The following KCNIP4 variants were observed in gnomAD, a reference collection of about 807,000 sequenced individuals.
KCNIP4 encodes the protein potassium voltage-gated channel interacting protein 4.
In KCNIP4, 12 loss-of-function variants were observed where a neutral mutation model predicts 34.0. That is an observed-to-expected ratio of 0.35 (90% CI 0.23 to 0.57). KCNIP4 has a LOEUF of 0.57. Among genes scored for constraint, KCNIP4 ranks in the 20% least tolerant of loss-of-function variants. The pLI is 0.83. For synonymous variants in KCNIP4, 124 were observed against 102.2 expected, an observed-to-expected ratio of 1.21 and a Z score of -1.29; for missense variants, 238 against 311.7, an observed-to-expected ratio of 0.76 and a Z score of 1.78.
intron 1 of KCNIP4, among the ~76,000 whole-genome samples, chr4:21,346,498 A>G (rs1717436527): frequency 6.6e-6 from 1 of 151,008 alleles, no homozygotes; most frequent in South Asian, 2.1e-4. Context: ...ACACTAACAA[A>G]TAGGATTTGG....
At chr4:20,826,477 C>T (rs577596002) in intron 3 of KCNIP4, among the ~76,000 whole-genome samples, 3 of 151,508 alleles carry the variant, frequency 2.0e-5, no homozygotes, top group South Asian at 2.1e-4. Context: ...CCTAGCTACT[C>T]GGGAGGTTGA....
At chr4:21,814,085 C>T (rs1721823686) in intron 1 of KCNIP4, among the ~76,000 whole-genome samples, 1 of 151,988 alleles carries the variant, frequency 6.6e-6, no homozygotes, top group Non-Finnish European at 1.5e-5. Context: ...GGTGAGGGAA[C>T]CAACGCTCCA....
chr4:21,218,944 A>C (rs1757802652), intron 1 of KCNIP4, among the ~76,000 whole-genome samples: 1 of 152,178 alleles, frequency 6.6e-6, no homozygotes, highest in Non-Finnish European at 1.5e-5. Context: ...AGAGATGGCT[A>C]TTGCAAATCT....
chr4:21,137,648 A>G (rs1751601920), intron 1 of KCNIP4, among the ~76,000 whole-genome samples: 1 of 152,146 alleles, frequency 6.6e-6, no homozygotes, highest in South Asian at 2.1e-4. Flanking sequence ...TCTGCTCAAC[A>G]GGTATAACAA....
chr4:20,984,801 A>C (rs990463278), intron 1 of KCNIP4, among the ~76,000 whole-genome samples: 11 of 152,166 alleles, frequency 7.2e-5, no homozygotes, highest in African/African-American at 2.4e-4. Flanking sequence ...ATCGTCCTTT[A>C]AAGTCTGGCC....
chr4:20,797,800 A>T (rs1385944919), intron 3 of KCNIP4, among the ~76,000 whole-genome samples: 2 of 152,168 alleles, frequency 1.3e-5, no homozygotes, highest in Non-Finnish European at 2.9e-5. Context: ...GCCACAGTCA[A>T]CTGAAATTTG....
At chr4:21,264,321 C>G (rs535712623) in intron 1 of KCNIP4, among the ~76,000 whole-genome samples, 1 of 152,116 alleles carries the variant, frequency 6.6e-6, no homozygotes, top group African/African-American at 2.4e-5. Flanking sequence ...TGATATTTAT[C>G]CAACATCTAG....
chr4:20,971,826 G>A (rs1734979790), intron 1 of KCNIP4, among the ~76,000 whole-genome samples: 1 of 152,218 alleles, frequency 6.6e-6, no homozygotes. Flanking sequence ...ATATGATGCT[G>A]TTGACAGCAT....
chr4:21,665,387 G>A (rs1300043677), intron 1 of KCNIP4, among the ~76,000 whole-genome samples: 1 of 151,950 alleles, frequency 6.6e-6, no homozygotes, highest in Non-Finnish European at 1.5e-5. Context: ...TAAATGCATA[G>A]GAATGGAATA....
chr4:21,500,566 A>T (rs1385428108), intron 1 of KCNIP4, among the ~76,000 whole-genome samples: 1 of 152,208 alleles, frequency 6.6e-6, no homozygotes, highest in Non-Finnish European at 1.5e-5. Flanking sequence ...AGTAAAAGTC[A>T]TTGCGTTATT....
At chr4:21,008,771 G>A (rs762454314) in intron 1 of KCNIP4, among the ~76,000 whole-genome samples, 1 of 151,820 alleles carries the variant, frequency 6.6e-6, no homozygotes, top group African/African-American at 2.4e-5. Context: ...TGATCCGCCC[G>A]CCTCGGCCTC....
intron 1 of KCNIP4, among the ~76,000 whole-genome samples, chr4:21,700,816 G>T (rs532537277): frequency 5.9e-5 from 9 of 151,956 alleles, no homozygotes; most frequent in African/African-American, 1.9e-4. Context: ...TCTACATATG[G>T]TTATCCAGTT....
At chr4:21,435,670 T>C (rs1295004762) in intron 1 of KCNIP4, among the ~76,000 whole-genome samples, 1 of 152,236 alleles carries the variant, frequency 6.6e-6, no homozygotes, top group African/African-American at 2.4e-5. Flanking sequence ...TCTATTTTCA[T>C]GCTTTTAATA....
At chr4:20,807,794 G>A (rs1011766694) in intron 3 of KCNIP4, among the ~76,000 whole-genome samples, 9 of 152,210 alleles carry the variant, frequency 5.9e-5, no homozygotes, top group Admixed American at 2.6e-4. Flanking sequence ...AGACCATTAC[G>A]TGGGAGAGGC....
intron 1 of KCNIP4, among the ~76,000 whole-genome samples, chr4:21,432,657 GT>G (rs1726596025): frequency 6.6e-6 from 1 of 152,142 alleles, no homozygotes; most frequent in Non-Finnish European, 1.5e-5. Flanking sequence ...TGAATGGAAG[GT>G]GAAAAACCAG....
intron 1 of KCNIP4, among the ~76,000 whole-genome samples, chr4:21,335,524 A>C (rs1716090518): frequency 6.6e-6 from 1 of 152,216 alleles, no homozygotes; most frequent in Non-Finnish European, 1.5e-5. Flanking sequence ...TGCTCTTAAA[A>C]TTCTTGCATA....
intron 1 of KCNIP4, among the ~76,000 whole-genome samples, chr4:21,434,983 T>A (rs1726825039): frequency 1.3e-5 from 2 of 152,126 alleles, no homozygotes; most frequent in Admixed American, 6.5e-5. Context: ...GGGAGTTAGA[T>A]GAAAAGTGTC....
intron 1 of KCNIP4, among the ~76,000 whole-genome samples, chr4:21,093,848 C>A (rs891842745): frequency 6.6e-6 from 1 of 152,014 alleles, no homozygotes; most frequent in African/African-American, 2.4e-5. Flanking sequence ...TTTGGGAGGC[C>A]ACGGCGGGAG....
intron 1 of KCNIP4, among the ~76,000 whole-genome samples, chr4:21,271,206 A>T (rs1762127578): frequency 6.6e-6 from 1 of 152,160 alleles, no homozygotes; most frequent in Admixed American, 6.5e-5. Flanking sequence ...AATCTGAGGC[A>T]TTCAGGGGTC....
Sources: allele counts gnomAD v4.1 joint callset (sites outside exome capture counted in the v4.1 genomes callset), GRCh38; gene constraint gnomAD v4.1.1; transcripts MANE v1.5; gene names NCBI Gene and HGNC (gene_info 2026-07-23, HGNC 2026-07-21).